PARN: variants seen among roughly 807,000 people sequenced by gnomAD.
PARN encodes the protein poly(A)-specific ribonuclease.
PARN carries 71 observed loss-of-function variants against 102.8 expected under a neutral mutation model. The observed-to-expected ratio is 0.69, with a 90% CI of 0.57 to 0.84. The LOEUF is 0.84. Ranked by LOEUF, PARN falls within the 40% of genes least tolerant of loss-of-function variation. The pLI is 0.00. For missense variants in PARN, 782 were observed against 760.9 expected, an observed-to-expected ratio of 1.03 and a Z score of -0.33; for synonymous variants, 261 against 252.9, an observed-to-expected ratio of 1.03 and a Z score of -0.30.
intron 21 of PARN, among the ~76,000 whole-genome samples, chr16:14,519,972 C>A (rs1470584019): frequency 1.3e-5 from 2 of 152,106 alleles, no homozygotes; most frequent in African/African-American, 4.8e-5. Context: ...ATACTAGATA[C>A]TAGATGTGCT....
At chr16:14,461,051 C>T (rs1474228800) in intron 22 of PARN, among the ~76,000 whole-genome samples, 2 of 152,204 alleles carry the variant, frequency 1.3e-5, no homozygotes, top group South Asian at 2.1e-4. Flanking sequence ...CACTTCATCA[C>T]GGGTCTTCCA....
intron 21 of PARN, among the ~76,000 whole-genome samples, chr16:14,544,515 C>A (rs1239061127): frequency 6.6e-6 from 1 of 152,130 alleles, no homozygotes. Context: ...GTGGAGGTTG[C>A]AGTAAGCTGA....
chr16:14,481,707 C>T (rs1963393155), intron 22 of PARN, among the ~76,000 whole-genome samples: 1 of 152,058 alleles, frequency 6.6e-6, no homozygotes, highest in Non-Finnish European at 1.5e-5. Context: ...GTGATTGCTT[C>T]TGGGTGTTGG....
intron 18 of PARN, among the ~76,000 whole-genome samples, chr16:14,577,910 C>T (rs909469006): frequency 3.3e-5 from 5 of 151,394 alleles, no homozygotes; most frequent in South Asian, 2.1e-4. Context: ...TCAGGTGATC[C>T]GCCCGCCTCA....
intron 18 of PARN, among the ~76,000 whole-genome samples, chr16:14,579,781 G>C (rs1040609812): frequency 6.6e-6 from 1 of 152,102 alleles, no homozygotes; most frequent in African/African-American, 2.4e-5. Context: ...TTCGAGAGAA[G>C]CCTATTCAGC....
At chr16:14,572,660 T>G (rs1323749896) in intron 18 of PARN, among the ~76,000 whole-genome samples, 1 of 152,226 alleles carries the variant, frequency 6.6e-6, no homozygotes, top group Non-Finnish European at 1.5e-5. Flanking sequence ...AAAGCCATCA[T>G]GCTTCTATTA....
At position 14,569,040 on chromosome 16, in the gene PARN, C is replaced by T. The variant is rs561264617; in HGVS notation, c.1262+11834G>A. On this transcript the variant is annotated intron_variant, in intron 18 of 23. Transcript: ENST00000437198. ...CAGCCTGGCCAACATGGTTAAACCC[C>T]GTCTCTACTAAAAATACAAAAATTT... Among the ~76,000 whole-genome samples the T allele has an allele frequency of 1.1e-3, 161 of 151,412 alleles. 2 individuals are homozygous for T. The highest frequency in any genetic ancestry group is 3.4e-3 in the Middle Eastern group (1 of 290).
Position 14,604,154 on chromosome 16 carries a change from T to C in PARN, c.775A>G (p.Lys259Glu). The C allele has an allele frequency of 1.3e-6, 2 of 1,594,394 alleles. No homozygotes were observed. Among genetic ancestry groups the C allele is most frequent in the South Asian group, 2.3e-5 (2 of 88,848 alleles). Residue 259 changes from lysine (K) to glutamate (E), a missense_variant, in exon 11 of 24, where the codon AAA (lysine) becomes GAA (glutamate). Lys to Glu is a moderately conservative substitution (Grantham distance 56). Transcript: ENST00000437198. Reference protein sequence around the residue: ...RKRREQQKHAKEQEELNDAVG... With the variant: ...RKRREQQKHAEEQEELNDAVG... Reference sequence around the variant, plus strand: ...TAACATAGCCCAATTACCTGTTCTTTGGCATGTTTCTGCTGCTCTCTTCTT... The same window carrying C: ...TAACATAGCCCAATTACCTGTTCTTCGGCATGTTTCTGCTGCTCTCTTCTT...
At chr16:14,621,207 T>C (rs1401664001) in intron 5 of PARN, among the ~76,000 whole-genome samples, 2 of 152,202 alleles carry the variant, frequency 1.3e-5, no homozygotes, top group Non-Finnish European at 2.9e-5. Context: ...CTGTCTACCA[T>C]GGCTGGAGTG....
intron 19 of PARN, among the ~76,000 whole-genome samples, chr16:14,555,222 C>T (rs1967599208): frequency 6.6e-6 from 1 of 152,100 alleles, no homozygotes; most frequent in Non-Finnish European, 1.5e-5. Flanking sequence ...TCCCATAGAC[C>T]TTCCACGTTT....
chr16:14,482,806 G>A lies in PARN; in HGVS notation c.1502C>T (p.Ala501Val), dbSNP rs772982109. The A allele has an allele frequency of 5.6e-6, 9 of 1,610,610 alleles. No individual in the cohort carries two copies. The highest frequency in any genetic ancestry group is 6.8e-6 in the Non-Finnish European group (8 of 1,178,926). Reference sequence around the variant, plus strand: ...ATAGGTTTGGATCCGATAGCTTTCTGCATATTTGCTGGTATTGACAGCTAC... The same window carrying A: ...ATAGGTTTGGATCCGATAGCTTTCTACATATTTGCTGGTATTGACAGCTAC... ...VKIAVNTSKY[A>V]ESYRIQTYAE... is the part of the protein sequence containing the mutation. Residue 501 changes from alanine to valine, a missense_variant, in exon 22 of 24, where the codon GCA (alanine) becomes GTA (valine). Transcript: ENST00000437198.
chr16:14,517,448 G>A (rs1381164716), intron 21 of PARN, among the ~76,000 whole-genome samples: 1 of 152,172 alleles, frequency 6.6e-6, no homozygotes, highest in Non-Finnish European at 1.5e-5. Context: ...TCCAATCCCA[G>A]CCAGTCTGGC....
intron 21 of PARN, among the ~76,000 whole-genome samples, chr16:14,524,585 T>C (rs1438493971): frequency 6.6e-6 from 1 of 152,210 alleles, no homozygotes; most frequent in Non-Finnish European, 1.5e-5. Flanking sequence ...AGAAACCTAC[T>C]GATAATTTAA....
chr16:14,537,769 C>A (rs865828689), intron 21 of PARN, among the ~76,000 whole-genome samples: 1 of 151,768 alleles, frequency 6.6e-6, no homozygotes, highest in South Asian at 2.1e-4. Context: ...GTATTAAAGG[C>A]GCGGAAGGGT....
At chr16:14,477,064 T>G (rs1269454700) in intron 22 of PARN, among the ~76,000 whole-genome samples, 1 of 152,172 alleles carries the variant, frequency 6.6e-6, no homozygotes, top group Non-Finnish European at 1.5e-5. Flanking sequence ...TATATGCTAT[T>G]TATAAGAAAC....
At chr16:14,560,723 C>T (rs1043778558) in intron 18 of PARN, among the ~76,000 whole-genome samples, 2 of 152,184 alleles carry the variant, frequency 1.3e-5, no homozygotes, top group African/African-American at 4.8e-5. Flanking sequence ...TACACTGGGT[C>T]ACTTCCACTC....
intron 22 of PARN, among the ~76,000 whole-genome samples, chr16:14,470,747 T>A (rs1489457461): frequency 2.0e-5 from 3 of 152,078 alleles, no homozygotes; most frequent in African/African-American, 4.8e-5. Context: ...GCATGAGGCA[T>A]CTGGCCTGGC....
intron 18 of PARN, among the ~76,000 whole-genome samples, chr16:14,558,672 A>G (rs1334712716): frequency 6.6e-6 from 1 of 152,238 alleles, no homozygotes; most frequent in Non-Finnish European, 1.5e-5. Context: ...TTTCAATATA[A>G]TATTAAGCAA....
intron 22 of PARN, among the ~76,000 whole-genome samples, chr16:14,464,397 A>T (rs1416947968): frequency 6.6e-6 from 1 of 152,226 alleles, no homozygotes; most frequent in Non-Finnish European, 1.5e-5. Flanking sequence ...GCAGTATCTT[A>T]AAATGAATGA....
Sources: gnomAD v4.1 joint callset for allele counts (sites outside exome capture counted in the v4.1 genomes callset) on GRCh38, gnomAD v4.1.1 for gene constraint, MANE v1.5 for transcripts, NCBI Gene and HGNC (gene_info 2026-07-23, HGNC 2026-07-21) for gene names.